Variants in FAM78A observed in about 807,000 individuals in gnomAD.
FAM78A encodes the protein family with sequence similarity 78 member A.
Under a neutral mutation model 22.6 loss-of-function variants are expected in FAM78A, and 12 were observed. That is an observed-to-expected ratio of 0.53 (90% CI 0.34 to 0.86). FAM78A has a LOEUF of 0.86. Ranked by LOEUF, FAM78A falls within the 40% of genes least tolerant of loss-of-function variation. The pLI is 0.02. For synonymous variants in FAM78A, 151 were observed against 155.8 expected, an observed-to-expected ratio of 0.97 and a Z score of 0.23; for missense variants, 322 against 396.1, an observed-to-expected ratio of 0.81 and a Z score of 1.59.
intron 1 of FAM78A, chr9:131,270,495 T>A: frequency 2.8e-6 from 2 of 716,240 alleles, no homozygotes; most frequent in Non-Finnish European, 5.2e-6. Context: ...GCTTGGAAGG[T>A]GGATGAGGGC....
chr9:131,260,718 G>T lies in FAM78A; in HGVS notation c.*104C>A. The T allele has an allele frequency of 7.1e-7, 1 of 1,403,258 alleles. No homozygotes were observed. Among genetic ancestry groups the T allele is most frequent in the Non-Finnish European group, 9.5e-7 (1 of 1,051,944 alleles). 86.9% of individuals were successfully genotyped at this position (1,403,258 alleles called of 1,614,324 possible). ...CACAGTGAGATCCGCCCGCTGGAGA[G>T]GGTAGAATGGTTGTATCTTGCTGAA... On this transcript the variant is annotated 3_prime_UTR_variant, in exon 2 of 2. Transcript: ENST00000372271. The surrounding 1 kb of genome is among the most constrained non-coding windows in gnomAD (Gnocchi z 5.4).
rs1490260143 is a variant in FAM78A, at chr9:131,261,994, A to T, written c.324-644T>A. On this transcript the variant is annotated intron_variant, in intron 1 of 1. Transcript: ENST00000372271. The surrounding 1 kb of genome is among the most constrained non-coding windows in gnomAD (Gnocchi z 7.1). ...GTAATCCCAGCACTTTGGGAGGCTG[A>T]GGCAGGCTGATCACTTGAGGTTAGG... Among the ~76,000 whole-genome samples the T allele has an allele frequency of 6.6e-6, 1 of 152,122 alleles. No individual in the cohort carries two copies. The highest frequency in any genetic ancestry group is 1.5e-5 in the Non-Finnish European group (1 of 68,032).
At chr9:131,268,296 G>A (rs1473555421) in intron 1 of FAM78A, among the ~76,000 whole-genome samples, 1 of 152,128 alleles carries the variant, frequency 6.6e-6, no homozygotes, top group Non-Finnish European at 1.5e-5. Flanking sequence ...ACACTGGACA[G>A]GCATCCTGGG....
At chr9:131,267,113 A>G (rs1235087409) in intron 1 of FAM78A, among the ~76,000 whole-genome samples, 2 of 152,170 alleles carry the variant, frequency 1.3e-5, no homozygotes, top group African/African-American at 4.8e-5. Context: ...GGCCGGGTCC[A>G]AGGTCACACA....
At chr9:131,279,003 C>G (rs142223887), upstream of FAM78A, among the ~76,000 whole-genome samples, 1 of 152,360 alleles carries the variant, frequency 6.6e-6, no homozygotes, top group African/African-American at 2.4e-5. Context: ...ACAGCAGCAC[C>G]GGCTCAGCCA....
rs1244762869 is a variant in FAM78A at position 131,260,123 on chromosome 9, T to C, written c.*699A>G. ...TTTTATTTCTGCCAAAAAGAAAGAG[T>C]GAGCAGCTGGTTTCGGGTCTAAATG... On this transcript the variant is annotated 3_prime_UTR_variant, in exon 2 of 2. Coordinates refer to ENST00000372271, the MANE Select transcript of FAM78A (RefSeq NM_033387.4). The surrounding 1 kb of genome is among the most constrained non-coding windows in gnomAD (Gnocchi z 5.4). The C allele has an allele frequency of 6.6e-6, 1 of 152,226 alleles. No homozygotes were observed. The highest frequency in any genetic ancestry group is 1.9e-4 in the East Asian group (1 of 5,178). The allele number at this position is 152,226 out of a possible 1,614,324, so 9.4% of individuals were successfully genotyped here.
rs1835223539 is a variant in FAM78A at position 131,258,931 on chromosome 9, A to AAGGAAG, written c.*1890_*1891insCTTCCT. ...GCTCCAGCCCAGTGTGTCCCAGGAC[A>AAGGAAG]GCCTCCTGGCACGAGCTGGGCCCGG... On this transcript the variant is annotated 3_prime_UTR_variant, in exon 2 of 2. Coordinates refer to ENST00000372271, the MANE Select transcript of FAM78A (RefSeq NM_033387.4). 6.6e-6 allele frequency: 1 copy of AAGGAAG among 152,514 alleles called. No individual in the cohort carries two copies. The highest frequency in any genetic ancestry group is 1.5e-5 in the Non-Finnish European group (1 of 68,036). The allele number at this position is 152,514 out of a possible 1,614,324, so 9.4% of individuals were successfully genotyped here.
In FAM78A at chr9:131,265,781, G is replaced by A. The variant is rs1835336531; in HGVS notation, c.324-4431C>T. 6.6e-6 allele frequency among the ~76,000 whole-genome samples: 1 copy of A among 152,150 alleles called. No individual in the cohort carries two copies. The highest frequency in any genetic ancestry group is 2.1e-4 in the South Asian group (1 of 4,828). On this transcript the variant is annotated intron_variant, in intron 1 of 1. Transcript: ENST00000372271. This position sits in a 1 kb window ranked among gnomAD's most constrained non-coding sequence, Gnocchi z 4.3. Reference sequence around the variant, plus strand: ...AGGCCCCGGACAGCTGTCCAGTCTAGGAGCCCAGCAGGCCGTTCACCTCCA... The same window carrying A: ...AGGCCCCGGACAGCTGTCCAGTCTAAGAGCCCAGCAGGCCGTTCACCTCCA...
intron 1 of FAM78A, among the ~76,000 whole-genome samples, chr9:131,269,217 C>T (rs1312618748): frequency 6.6e-6 from 1 of 152,038 alleles, no homozygotes. Flanking sequence ...ACCTTGCTCT[C>T]TGCATACACA....
At chr9:131,264,808 C>T (rs1241731180) in intron 1 of FAM78A, 6 of 537,816 alleles carry the variant, frequency 1.1e-5, no homozygotes, top group African/African-American at 7.7e-5. Flanking sequence ...ACTGCAGCCT[C>T]GGCCTCCCAG....
intron 1 of FAM78A, among the ~76,000 whole-genome samples, chr9:131,271,223 T>A (rs1018725360): frequency 1.1e-4 from 16 of 152,122 alleles, no homozygotes; most frequent in Admixed American, 4.6e-4. Flanking sequence ...TAGTCCAGGC[T>A]GACCACTGGC....
intron 1 of FAM78A, among the ~76,000 whole-genome samples, chr9:131,262,092 C>T (rs1396020052): frequency 2.0e-5 from 3 of 151,600 alleles, no homozygotes; most frequent in Non-Finnish European, 4.4e-5. Flanking sequence ...CTTTGGGAGG[C>T]CAAGGGGGGC....
At chr9:131,280,401 C>T (rs368484646), upstream of FAM78A, among the ~76,000 whole-genome samples, 14 of 152,322 alleles carry the variant, frequency 9.2e-5, no homozygotes, top group South Asian at 2.1e-4. Flanking sequence ...CGCATCCACG[C>T]GCGTGTGAAG....
At chr9:131,269,254 T>C (rs2131182199) in intron 1 of FAM78A, among the ~76,000 whole-genome samples, 1 of 152,292 alleles carries the variant, frequency 6.6e-6, no homozygotes, top group African/African-American at 2.4e-5. Context: ...AACTTCAGTA[T>C]TTTCTTTTTA....
In FAM78A at chr9:131,275,900, A is replaced by T; in HGVS notation, c.280T>A (p.Cys94Ser). The change falls in exon 1 of 2, where the codon TGC (cysteine) becomes AGC (serine). Residue 94 changes from cysteine to serine, a missense_variant. Cys to Ser is a moderately radical substitution (Grantham distance 112, BLOSUM62 -1). Transcript: ENST00000372271. This position sits in a 1 kb window ranked among gnomAD's most constrained non-coding sequence, Gnocchi z 4.6. ...TGGTTGTAGAACTCCATGTGGCTGC[A>T]CGCCTGGATCCAGCCAACTACCCAA... ...ETWVVGWIQA[C>S]SHMEFYNQYG... 6.2e-7 allele frequency: 1 copy of T among 1,610,890 alleles called. No homozygotes were observed. Among genetic ancestry groups the T allele is most frequent in the Non-Finnish European group, 8.5e-7 (1 of 1,178,330 alleles).
intron 1 of FAM78A, among the ~76,000 whole-genome samples, chr9:131,268,388 C>T (rs1443840566): frequency 6.6e-6 from 1 of 152,070 alleles, no homozygotes; most frequent in African/African-American, 2.4e-5. Context: ...CTCCTGGCCT[C>T]CCCAGTACCT....
In FAM78A at chr9:131,265,154, T is replaced by C. The variant is rs907160268; in HGVS notation, c.324-3804A>G. 2.0e-5 allele frequency among the ~76,000 whole-genome samples: 3 copies of C among 152,256 alleles called. No individual in the cohort carries two copies. Among genetic ancestry groups the C allele is most frequent in the South Asian group, 2.1e-4 (1 of 4,838 alleles). ...TTCTTCTGTTTCTTCTTGGTACTTA[T>C]TGGGGATTTAAACATTCTAATTCTG... On this transcript the variant is annotated intron_variant, in intron 1 of 1. Coordinates refer to ENST00000372271, the MANE Select transcript of FAM78A (RefSeq NM_033387.4). The surrounding 1 kb of genome is among the most constrained non-coding windows in gnomAD (Gnocchi z 4.3).
At chr9:131,264,356 C>CGGG in intron 1 of FAM78A, 1 of 519,688 alleles carries the variant, frequency 1.9e-6, no homozygotes, top group Non-Finnish European at 3.4e-6. Context: ...CTGCGTCACG[C>CGGG]GGGGCATGGC....
rs957522985 is a variant in FAM78A, at chr9:131,270,717, C to T, written c.323+5140G>A. Reference sequence around the variant, plus strand: ...CCTCAATTGTTCTTTGCACAACTGACGCTCAGACCCCGGCTTCAGGAAGAG... The same window carrying T: ...CCTCAATTGTTCTTTGCACAACTGATGCTCAGACCCCGGCTTCAGGAAGAG... On this transcript the variant is annotated intron_variant, in intron 1 of 1. Coordinates refer to ENST00000372271, the MANE Select transcript of FAM78A (RefSeq NM_033387.4). Among the ~76,000 whole-genome samples the T allele has an allele frequency of 3.9e-5, 6 of 151,928 alleles. No individual in the cohort carries two copies. The South Asian group carries it at 1.0e-3, about 26-fold the overall frequency.
Sources: gnomAD v4.1 joint callset for allele counts (sites outside exome capture counted in the v4.1 genomes callset) on GRCh38, gnomAD v4.1.1 for gene constraint, Gnocchi (gnomAD v3.1) non-coding constraint, MANE v1.5 for transcripts, NCBI Gene and HGNC (gene_info 2026-07-23, HGNC 2026-07-21) for gene names.